Variants in FBXW11 observed in about 807,000 individuals in gnomAD.
FBXW11 encodes the protein F-box/WD repeat-containing protein 11.
In FBXW11, 19 loss-of-function variants were observed where a neutral mutation model predicts 77.6. The ratio of observed to expected loss-of-function variants is 0.24; its 90% CI spans 0.17 to 0.36. The LOEUF is 0.36. Among genes scored for constraint, FBXW11 ranks in the 10% least tolerant of loss-of-function variants. FBXW11 has a pLI of 1.00. For missense variants in FBXW11, 334 were observed against 704.2 expected (o/e 0.47, Z 5.95); for synonymous variants, 235 against 249.4 (o/e 0.94, Z 0.54).
chr5:171,947,478 C>G (rs575852432), intron 2 of FBXW11, among the ~76,000 whole-genome samples: 3 of 151,906 alleles, frequency 2.0e-5, no homozygotes, highest in Admixed American at 2.0e-4. Flanking sequence ...GCGGGCAGAC[C>G]ACTTGAGCTC....
At chr5:171,882,176 T>C (rs1316062458) in intron 7 of FBXW11, among the ~76,000 whole-genome samples, 2 of 152,254 alleles carry the variant, frequency 1.3e-5, no homozygotes, top group Non-Finnish European at 2.9e-5. Context: ...TTTTTAGTCT[T>C]TTTTCTAATA....
At chr5:171,944,298 C>T (rs887501936) in intron 2 of FBXW11, among the ~76,000 whole-genome samples, 3 of 151,506 alleles carry the variant, frequency 2.0e-5, no homozygotes, top group Non-Finnish European at 4.4e-5. Context: ...AAAAGAAGGC[C>T]GGGCGCTGTG....
At chr5:171,913,451 C>T (rs973293323) in intron 3 of FBXW11, among the ~76,000 whole-genome samples, 1 of 152,058 alleles carries the variant, frequency 6.6e-6, no homozygotes, top group African/African-American at 2.4e-5. Context: ...GTGGAGGGTA[C>T]AAAACTCAGT....
intron 1 of FBXW11, among the ~76,000 whole-genome samples, chr5:171,963,534 A>G (rs1426181607): frequency 6.6e-6 from 1 of 152,230 alleles, no homozygotes; most frequent in Admixed American, 6.5e-5. Context: ...ACAGCCCATC[A>G]GTAGTTGGCC....
At chr5:171,906,220 C>T (rs1160609086) in intron 4 of FBXW11, among the ~76,000 whole-genome samples, 1 of 152,176 alleles carries the variant, frequency 6.6e-6, no homozygotes, top group Non-Finnish European at 1.5e-5. Flanking sequence ...CTTTCCCACC[C>T]ACCCGTGTTA....
intron 4 of FBXW11, among the ~76,000 whole-genome samples, chr5:171,906,472 T>C (rs1760532491): frequency 6.6e-6 from 1 of 152,186 alleles, no homozygotes; most frequent in African/African-American, 2.4e-5. Context: ...ACCTATATGA[T>C]GTCAGAATGA....
rs957684481 is a variant in FBXW11, at chr5:171,904,117, C to T, written c.437-4017G>A. On this transcript the variant is annotated intron_variant, in intron 4 of 13. Transcript: ENST00000517395. This position sits in a 1 kb window ranked among gnomAD's most constrained non-coding sequence, Gnocchi z 4.0. ...TTTGAGACCAGCCTGGACAGCATGG[C>T]AAAACTCCATCTCTACTAAATATAC... 2.0e-5 allele frequency among the ~76,000 whole-genome samples: 3 copies of T among 151,972 alleles called. No homozygotes were observed. The highest frequency in any genetic ancestry group is 4.4e-5 in the Non-Finnish European group (3 of 67,976).
intron 2 of FBXW11, among the ~76,000 whole-genome samples, chr5:171,930,987 T>C (rs1453638688): frequency 6.6e-6 from 1 of 152,062 alleles, no homozygotes; most frequent in Non-Finnish European, 1.5e-5. Flanking sequence ...ACAAGATATC[T>C]GTAAGGAAAA....
intron 1 of FBXW11, among the ~76,000 whole-genome samples, chr5:171,998,117 TTC>T (rs1766173031): frequency 6.6e-6 from 1 of 152,088 alleles, no homozygotes; most frequent in African/African-American, 2.4e-5. Flanking sequence ...AGCCCATGAT[TTC>T]TGAGAGAGGA....
chr5:171,889,207 AAAAC>A (rs1309821946), intron 7 of FBXW11, among the ~76,000 whole-genome samples: 1 of 152,242 alleles, frequency 6.6e-6, no homozygotes, highest in East Asian at 1.9e-4. Flanking sequence ...CATAAAAGAA[AAAAC>A]TGGTAAGTTG....
chr5:171,930,792 T>G (rs1389836200), intron 2 of FBXW11, among the ~76,000 whole-genome samples: 3 of 126,582 alleles, frequency 2.4e-5, no homozygotes, highest in Non-Finnish European at 5.4e-5. Context: ...ACTGAAAGAA[T>G]TAACAAAACA....
intron 2 of FBXW11, among the ~76,000 whole-genome samples, chr5:171,940,864 C>T (rs184933149): frequency 1.9e-4 from 27 of 140,210 alleles, no homozygotes; most frequent in African/African-American, 5.9e-4. Flanking sequence ...TCCAGCCTGG[C>T]GACAGAGCAA....
chr5:171,910,606 G>A lies in FBXW11; in HGVS notation c.402C>T (p.Pro134=), dbSNP rs1219970237. The A allele has an allele frequency of 1.9e-6, 3 of 1,613,546 alleles. No homozygotes were observed. The highest frequency in any genetic ancestry group is 2.5e-6 in the Non-Finnish European group (3 of 1,179,768). The change falls in exon 4 of 14, where the codon CCC becomes CCT. Residue 134 remains proline (P), a synonymous_variant. Coordinates refer to ENST00000517395, the MANE Select transcript of FBXW11 (RefSeq NM_001378974.1). ...CGGTAATAAAGTCCCGCTGCAACAT[G>A]GGCTTCAGGTAAGAGTTAATATGTC... ...QHGHINSYLK[P]MLQRDFITAL...
At chr5:171,893,774 G>C (rs1159310607) in intron 6 of FBXW11, among the ~76,000 whole-genome samples, 3 of 152,106 alleles carry the variant, frequency 2.0e-5, no homozygotes, top group Admixed American at 1.3e-4. Context: ...CATATTACAA[G>C]TATGACAGAG....
intron 2 of FBXW11, among the ~76,000 whole-genome samples, chr5:171,930,377 G>A (rs889678715): frequency 2.6e-5 from 4 of 152,226 alleles, no homozygotes; most frequent in Non-Finnish European, 5.9e-5. Flanking sequence ...AGGTAAGAAT[G>A]TTCCCTCTCA....
intron 2 of FBXW11, among the ~76,000 whole-genome samples, chr5:171,919,269 T>A (rs1761437311): frequency 1.3e-5 from 2 of 152,130 alleles, no homozygotes; most frequent in Non-Finnish European, 1.5e-5. Flanking sequence ...AGGCATACGT[T>A]TTCCTTTCAA....
intron 7 of FBXW11, among the ~76,000 whole-genome samples, chr5:171,891,204 C>T (rs1251558880): frequency 6.6e-6 from 1 of 152,040 alleles, no homozygotes. Flanking sequence ...CCCTGTGATA[C>T]TGGGATATTT....
At chr5:171,993,463 A>G (rs1765861673) in intron 1 of FBXW11, among the ~76,000 whole-genome samples, 1 of 151,880 alleles carries the variant, frequency 6.6e-6, no homozygotes. Flanking sequence ...AAATACAAAA[A>G]TCAGCTGGGT....
rs1268443312 is a variant in FBXW11, at chr5:171,904,725, C to T, written c.437-4625G>A. The stretch of plus-strand genomic sequence containing the variant: ...TAGCTGGGACTACAGGCGCACACCA[C>T]CATGCCCAGGTAATTTTTGTATTTT... On this transcript the variant is annotated intron_variant, in intron 4 of 13. Coordinates refer to ENST00000517395, the MANE Select transcript of FBXW11 (RefSeq NM_001378974.1). The surrounding 1 kb of genome is among the most constrained non-coding windows in gnomAD (Gnocchi z 4.0). Among the ~76,000 whole-genome samples, 1 of 152,090 alleles carries T rather than the reference C, an allele frequency of 6.6e-6. No individual in the cohort carries two copies. Among genetic ancestry groups the T allele is most frequent in the African/African-American group, 2.4e-5 (1 of 41,396 alleles).
Sources: gnomAD v4.1 joint callset for allele counts (sites outside exome capture counted in the v4.1 genomes callset) on GRCh38, gnomAD v4.1.1 for gene constraint, Gnocchi (gnomAD v3.1) non-coding constraint, MANE v1.5 for transcripts, NCBI Gene and HGNC (gene_info 2026-07-23, HGNC 2026-07-21) for gene names.